Variants in ACSM6 observed in about 807,000 individuals in gnomAD.
ACSM6 encodes the protein acyl-CoA synthetase medium chain family member 6, also known as acyl-coenzyme A synthetase ACSM6, mitochondrial.
In ACSM6, 35 loss-of-function variants were observed where a neutral mutation model predicts 51.1. The observed-to-expected ratio is 0.69, with a 90% CI of 0.52 to 0.91. ACSM6 has a LOEUF of 0.91. Among genes scored for constraint, ACSM6 ranks in the 40% least tolerant of loss-of-function variants. The pLI, the probability that ACSM6 is intolerant of heterozygous loss-of-function variation, is 0.00. For missense variants in ACSM6, 509 were observed against 584.1 expected (o/e 0.87, Z 1.32); for synonymous variants, 172 against 207.3 (o/e 0.83, Z 1.46).
At chr10:95,211,228 T>A (rs2034890318) in intron 5 of ACSM6, among the ~76,000 whole-genome samples, 1 of 152,260 alleles carries the variant, frequency 6.6e-6, no homozygotes, top group Non-Finnish European at 1.5e-5. Flanking sequence ...CCACCCCTTT[T>A]TTAAGAAAAT....
intron 9 of ACSM6, among the ~76,000 whole-genome samples, chr10:95,222,028 C>T (rs1194465866): frequency 6.6e-6 from 1 of 152,178 alleles, no homozygotes; most frequent in Non-Finnish European, 1.5e-5. Context: ...AAATGATACA[C>T]ATTCTCACCA....
At chr10:95,211,892 T>C in exon 6 of ACSM6, 1 of 1,607,066 alleles carries the variant, frequency 6.2e-7, no homozygotes, top group South Asian at 1.1e-5. Context: ...TGGATGGATC[T>C]CCAGCCAACA....
At chr10:95,211,799 G>A in intron 5 of ACSM6, 79 bp from the exon 6 acceptor site, 1 of 1,415,050 alleles carries the variant, frequency 7.1e-7, no homozygotes, top group Admixed American at 2.3e-5. Flanking sequence ...CACAGGTCAG[G>A]GCTTGATAAT....
intron 10 of ACSM6, among the ~76,000 whole-genome samples, chr10:95,227,805 T>C (rs1350425711): frequency 6.6e-6 from 1 of 152,208 alleles, no homozygotes; most frequent in African/African-American, 2.4e-5. Context: ...CGGTGGCTCA[T>C]GCCTGTAATC....
At chr10:95,212,512 T>A (rs896660549) in intron 6 of ACSM6, among the ~76,000 whole-genome samples, 3 of 152,200 alleles carry the variant, frequency 2.0e-5, no homozygotes, top group Non-Finnish European at 4.4e-5. Context: ...ACCTCTCAAC[T>A]GCTGCACAAT....
chr10:95,199,081 T>A, intron 2 of ACSM6, among the ~76,000 whole-genome samples: 1 of 152,230 alleles, frequency 6.6e-6, no homozygotes. Flanking sequence ...GGAGGCATCA[T>A]GCTACCTGAC....
At chr10:95,206,583 A>C (rs1423746886) in intron 3 of ACSM6, among the ~76,000 whole-genome samples, 5 of 152,188 alleles carry the variant, frequency 3.3e-5, no homozygotes. Context: ...GAGTGTAAGC[A>C]TTACTGCAAG....
chr10:95,228,599 T>C (rs1166483547), intron 10 of ACSM6, 45 bp from the exon 11 acceptor site: 1 of 1,534,738 alleles, frequency 6.5e-7, no homozygotes, highest in South Asian at 1.2e-5. Context: ...TAAATGATTG[T>C]GAGAGGGAAG....
At chr10:95,226,573 T>C (rs181662392) in intron 10 of ACSM6, among the ~76,000 whole-genome samples, 3 of 152,272 alleles carry the variant, frequency 2.0e-5, no homozygotes, top group Admixed American at 2.0e-4. Flanking sequence ...CAATACCCTG[T>C]CTCAAAAACA....
At chr10:95,212,880 C>T (rs1215341635) in exon 7 of ACSM6, 1 of 1,613,596 alleles carries the variant, frequency 6.2e-7, no homozygotes, top group Non-Finnish European at 8.5e-7. Context: ...TTTCCCATCA[C>T]CACTCTATCT....
intron 2 of ACSM6, among the ~76,000 whole-genome samples, chr10:95,197,467 A>G (rs1169780931): frequency 6.6e-6 from 1 of 152,182 alleles, no homozygotes; most frequent in African/African-American, 2.4e-5. Flanking sequence ...TGTGAGCAAT[A>G]GAATCTATGT....
intron 6 of ACSM6, 34 bp from the exon 7 acceptor site, chr10:95,212,824 T>G (rs1272071350): frequency 1.3e-6 from 2 of 1,520,360 alleles, no homozygotes; most frequent in Non-Finnish European, 1.8e-6. Flanking sequence ...CCACCTCACA[T>G]GCAGATTTTG....
intron 3 of ACSM6, among the ~76,000 whole-genome samples, chr10:95,206,779 G>C (rs573315032): frequency 1.3e-5 from 2 of 152,186 alleles, no homozygotes; most frequent in African/African-American, 4.8e-5. Context: ...CCCAAGAAGA[G>C]AGGCAGGAAG....
chr10:95,207,987 A>C (rs1040256312), intron 4 of ACSM6, among the ~76,000 whole-genome samples: 9 of 152,022 alleles, frequency 5.9e-5, no homozygotes, highest in Admixed American at 5.2e-4. Flanking sequence ...CTAAAAGTAC[A>C]AAAATTAGCT....
chr10:95,206,740 T>C (rs531721072), intron 3 of ACSM6, among the ~76,000 whole-genome samples: 26 of 152,204 alleles, frequency 1.7e-4, no homozygotes, highest in Non-Finnish European at 3.1e-4. Flanking sequence ...ATAGGTGTTC[T>C]ATGGATGCAG....
At chr10:95,211,755 G>C (rs1022453101) in intron 5 of ACSM6, 123 bp from the exon 6 acceptor site, 5 of 1,059,680 alleles carry the variant, frequency 4.7e-6, no homozygotes, top group Admixed American at 6.2e-5. Context: ...AATAGGCTTT[G>C]CCTGTTTTCA....
chr10:95,226,759 G>C (rs956306930), intron 10 of ACSM6, among the ~76,000 whole-genome samples: 1 of 152,088 alleles, frequency 6.6e-6, no homozygotes, highest in African/African-American at 2.4e-5. Flanking sequence ...ACTCACTTGT[G>C]TTCAATATAG....
At chr10:95,207,528 T>A in intron 4 of ACSM6, 113 bp downstream of exon 4, 2 of 1,115,910 alleles carry the variant, frequency 1.8e-6, no homozygotes, top group Non-Finnish European at 2.7e-6. Context: ...GAATGGCAAT[T>A]TCTATGCAAG....
chr10:95,213,805 G>A (rs2034919006), intron 7 of ACSM6, among the ~76,000 whole-genome samples: 1 of 152,112 alleles, frequency 6.6e-6, no homozygotes, highest in African/African-American at 2.4e-5. Context: ...TCATTTAAGT[G>A]TAAATTTCAT....
Sources: gnomAD v4.1 joint callset for allele counts (sites outside exome capture counted in the v4.1 genomes callset) on GRCh38, gnomAD v4.1.1 for gene constraint, MANE v1.5 for transcripts, NCBI Gene and HGNC (gene_info 2026-07-23, HGNC 2026-07-21) for gene names.